The following MICALL2 variants were observed in gnomAD, a reference collection of about 807,000 sequenced individuals.
MICALL2 encodes MICAL like 2.
MICALL2 carries 111 observed loss-of-function variants against 91.1 expected under a neutral mutation model. The observed-to-expected ratio is 1.22, with a 90% CI of 1.04 to 1.43. MICALL2 has a LOEUF of 1.43. MICALL2 is among the 40% of genes most tolerant of loss of function. The pLI, the probability that MICALL2 is intolerant of heterozygous loss-of-function variation, is 0.00. For synonymous variants in MICALL2, 694 were observed against 525.3 expected, an observed-to-expected ratio of 1.32 and a Z score of -4.39; for missense variants, 1,556 against 1,236.0, an observed-to-expected ratio of 1.26 and a Z score of -3.88.
chr7:1,445,183 G>T lies in MICALL2; in HGVS notation c.887C>A (p.Ala296Asp), dbSNP rs757853383. 1 of 1,591,050 alleles carries T rather than the reference G, an allele frequency of 6.3e-7. No individual in the cohort carries two copies. The highest frequency in any genetic ancestry group is 8.5e-7 in the Non-Finnish European group (1 of 1,169,872). The stretch of plus-strand genomic sequence containing the variant: ...GGGTGCAGCTGGAACGGAAGCCCTG[G>T]CAGGCGAGTTGCCCGCAGCAGGCTC... Reference protein sequence around the residue: ...AWEPAAGNSPARASVPAAPNP... With the variant: ...AWEPAAGNSPDRASVPAAPNP... The change falls in exon 6 of 17, where the codon GCC becomes GAC. Residue 296 changes from alanine (A) to aspartate (D), a missense_variant. Ala to Asp is a moderately radical substitution (Grantham distance 126, BLOSUM62 -2). Transcript: ENST00000297508.
intron 1 of MICALL2, among the ~76,000 whole-genome samples, chr7:1,455,370 G>A (rs1029764234): frequency 1.6e-4 from 24 of 152,188 alleles, no homozygotes; most frequent in African/African-American, 4.1e-4. Flanking sequence ...TGGAAACAGC[G>A]CCCGGGGGCA....
chr7:1,444,506 A>G (rs1389873011), intron 6 of MICALL2, 146 bp downstream of exon 6: 18 of 815,364 alleles, frequency 2.2e-5, no homozygotes, highest in Non-Finnish European at 3.4e-5. Flanking sequence ...CCCATTCCCC[A>G]GAGAAGGAAA....
Position 1,448,615 on chromosome 7 carries a change from C to G in MICALL2, c.334+5G>C. The G allele has an allele frequency of 6.2e-7, 1 of 1,612,466 alleles. No individual in the cohort carries two copies. Among genetic ancestry groups the G allele is most frequent in the South Asian group, 1.1e-5 (1 of 91,078 alleles). ...CCTGGCTCGGCGGGCGCGGCAGGGA[C>G]TCACTGGGGGAGCGGCCGTGGAAGT... On this transcript the variant is annotated splice_donor_5th_base_variant and intron_variant, in intron 3 of 16. Coordinates refer to ENST00000297508, the MANE Select transcript of MICALL2 (RefSeq NM_182924.4).
chr7:1,438,641 G>C (rs113937341), intron 10 of MICALL2, 199 bp downstream of exon 10: 2 of 1,422,608 alleles, frequency 1.4e-6, no homozygotes, highest in East Asian at 2.5e-5. Flanking sequence ...CCATGAGTCT[G>C]TAACAAGGTA....
rs558371934 is a variant in MICALL2 at position 1,442,007 on chromosome 7, C to T, written c.1711+185G>A. 145 of 705,746 alleles carry T rather than the reference C, an allele frequency of 2.1e-4. 2 individuals carry two copies. In the African/African-American group the frequency reaches 2.4e-3, roughly 11 times the overall value. The allele number at this position is 705,746 out of a possible 1,614,324, so 43.7% of individuals were successfully genotyped here. A position where few individuals can be genotyped will look rare whatever the true frequency, so the allele number is the denominator to read the frequency against. ...GCATAGCCCTGAGGACATTTGCAGC[C>T]ACCACACAGAGAGCGCACCAGGACC... On this transcript the variant is annotated intron_variant, in intron 7 of 16. Transcript: ENST00000297508.
intron 1 of MICALL2, 43 bp from the exon 2 acceptor site, chr7:1,450,331 C>T (rs1043530320): frequency 1.3e-5 from 21 of 1,567,692 alleles, no homozygotes; most frequent in East Asian, 2.2e-5. Flanking sequence ...TCAGAGTCCA[C>T]GAAGGGAGGG....
chr7:1,435,327 T>A (rs963612615), intron 15 of MICALL2, among the ~76,000 whole-genome samples, 180 bp from the exon 16 acceptor site: 2 of 152,182 alleles, frequency 1.3e-5, no homozygotes, highest in Admixed American at 6.5e-5. Context: ...GCCAAGTCCC[T>A]GCCCTCTTCC....
rs1780861095 is a variant in MICALL2 at position 1,452,232 on chromosome 7, C to T, written c.144-1944G>A. Reference sequence around the variant, plus strand: ...CGTGTGGACAGATGACGAGGAGCCCCCTCCCTGGGCTCAGTGGCAGCGAAA... The same window carrying T: ...CGTGTGGACAGATGACGAGGAGCCCTCTCCCTGGGCTCAGTGGCAGCGAAA... On this transcript the variant is annotated intron_variant, in intron 1 of 16. Coordinates refer to ENST00000297508, the MANE Select transcript of MICALL2 (RefSeq NM_182924.4). The surrounding 1 kb of genome is among the most constrained non-coding windows in gnomAD (Gnocchi z 6.2). Among the ~76,000 whole-genome samples the T allele has an allele frequency of 6.6e-6, 1 of 152,212 alleles. No homozygotes were observed. The highest frequency in any genetic ancestry group is 6.5e-5 in the Admixed American group (1 of 15,280).
At chr7:1,435,238 G>T in intron 15 of MICALL2, 91 bp from the exon 16 acceptor site, 1 of 1,359,946 alleles carries the variant, frequency 7.4e-7, no homozygotes, top group Non-Finnish European at 1.0e-6. Context: ...TGGCACCCCA[G>T]CCCTGAGTCC....
intron 7 of MICALL2, 196 bp from the exon 8 acceptor site, chr7:1,440,880 CTG>C (rs1351005199): frequency 3.5e-6 from 2 of 574,156 alleles, no homozygotes; most frequent in Non-Finnish European, 6.3e-6. Flanking sequence ...CTCTCCTGTG[CTG>C]TGTGTCCCTG....
rs771718642 is a variant in MICALL2, at chr7:1,445,434, G to A, written c.642-6C>T. The A allele has an allele frequency of 9.2e-6, 14 of 1,524,936 alleles. No individual in the cohort carries two copies. The South Asian group carries it at 1.3e-4, about 14-fold the overall frequency. The allele number at this position is 1,524,936 out of a possible 1,614,324, so 94.5% of individuals were successfully genotyped here. ...TGCAGGAGCACTGCTTACACCTGGGGGAGGAAAGGCACAGGAGCCCCAGCT... is the reference window on the plus strand; with the variant it reads ...TGCAGGAGCACTGCTTACACCTGGGAGAGGAAAGGCACAGGAGCCCCAGCT... On this transcript the variant is annotated splice_polypyrimidine_tract_variant and splice_region_variant and intron_variant, in intron 5 of 16. Coordinates refer to ENST00000297508, the MANE Select transcript of MICALL2 (RefSeq NM_182924.4).
chr7:1,434,560 G>A lies in MICALL2; in HGVS notation c.*36C>T. 6.4e-7 allele frequency: 1 copy of A among 1,565,010 alleles called. No individual in the cohort carries two copies. The highest frequency in any genetic ancestry group is 8.8e-7 in the Non-Finnish European group (1 of 1,135,880). On this transcript the variant is annotated 3_prime_UTR_variant, in exon 17 of 17. Coordinates refer to ENST00000297508, the MANE Select transcript of MICALL2 (RefSeq NM_182924.4). The stretch of plus-strand genomic sequence containing the variant: ...CATGGCCCCGAGTCCAAGTCCGGAT[G>A]CCAGGTCCGGGCCGAGCCCACGGCC...
At chr7:1,449,133 A>G (rs1780726381) in intron 2 of MICALL2, among the ~76,000 whole-genome samples, 1 of 152,146 alleles carries the variant, frequency 6.6e-6, no homozygotes, top group Non-Finnish European at 1.5e-5. Context: ...CCCGGGGGCC[A>G]GAAGGGACAC....
At chr7:1,437,353 C>T in intron 14 of MICALL2, 182 bp downstream of exon 14, 4 of 601,958 alleles carry the variant, frequency 6.6e-6, no homozygotes, top group Admixed American at 6.6e-5. Flanking sequence ...AGGTTAAGTA[C>T]CTTGGCTGAG....
At chr7:1,458,802 A>G (rs557073450) in intron 1 of MICALL2, among the ~76,000 whole-genome samples, 1 of 152,224 alleles carries the variant, frequency 6.6e-6, no homozygotes, top group Admixed American at 6.5e-5. Context: ...GTCAGTGCCC[A>G]TACGAGGGCT....
chr7:1,458,182 G>A lies in MICALL2; in HGVS notation c.143+1002C>T, dbSNP rs569524814. ...CAGGACAGTGTCCAGGGGCACAGGG[G>A]AGGAGCCCCGGATCTGCGCAACGGG... On this transcript the variant is annotated intron_variant, in intron 1 of 16. Coordinates refer to ENST00000297508, the MANE Select transcript of MICALL2 (RefSeq NM_182924.4). Among the ~76,000 whole-genome samples the A allele has an allele frequency of 6.6e-5, 10 of 152,338 alleles. No individual in the cohort carries two copies. The East Asian group carries it at 1.9e-3, about 29-fold the overall frequency.
intron 2 of MICALL2, 25 bp from the exon 3 acceptor site, chr7:1,448,786 C>T (rs376962730): frequency 9.2e-5 from 148 of 1,610,220 alleles, no homozygotes; most frequent in Middle Eastern, 1.7e-4. Flanking sequence ...AGGGGGTCAG[C>T]GGGGCAGCTG....
intron 1 of MICALL2, among the ~76,000 whole-genome samples, chr7:1,455,768 G>A (rs1373803322): frequency 6.6e-6 from 1 of 151,972 alleles, no homozygotes; most frequent in Non-Finnish European, 1.5e-5. Flanking sequence ...GCGTGCAGCA[G>A]GAAGGACTAA....
chr7:1,436,967 G>T, intron 14 of MICALL2, 111 bp from the exon 15 acceptor site: 1 of 699,822 alleles, frequency 1.4e-6, no homozygotes, highest in Non-Finnish European at 2.2e-6. Flanking sequence ...GGAAGAAGGT[G>T]GGGTCTTGGG....
Sources: allele counts gnomAD v4.1 joint callset (sites outside exome capture counted in the v4.1 genomes callset), GRCh38; gene constraint gnomAD v4.1.1; non-coding constraint Gnocchi (gnomAD v3.1); transcripts MANE v1.5; gene names NCBI Gene and HGNC (gene_info 2026-07-23, HGNC 2026-07-21).